STPG2: variants seen among roughly 807,000 people sequenced by gnomAD.
STPG2 encodes the protein sperm tail PG-rich repeat containing 2.
In STPG2, 56 loss-of-function variants were observed where a neutral mutation model predicts 54.2. That is an observed-to-expected ratio of 1.03 (90% CI 0.83 to 1.29). The LOEUF is 1.29. Ranked by LOEUF, STPG2 falls within the 50% of genes most tolerant of loss-of-function variation. The pLI, the probability that STPG2 is intolerant of heterozygous loss-of-function variation, is 0.00. For synonymous variants in STPG2, 200 were observed against 181.8 expected (o/e 1.10, Z -0.81); for missense variants, 596 against 544.9 (o/e 1.09, Z -0.93).
At chr4:98,045,336 G>GT (rs1408880425) in intron 5 of STPG2, among the ~76,000 whole-genome samples, 2 of 152,118 alleles carry the variant, frequency 1.3e-5, no homozygotes, top group African/African-American at 4.8e-5. Flanking sequence ...GTAAATTTCA[G>GT]TTTTTTCCCT....
chr4:97,629,554 G>A (rs916944627), intron 10 of STPG2, among the ~76,000 whole-genome samples: 4 of 151,806 alleles, frequency 2.6e-5, no homozygotes, highest in South Asian at 2.1e-4. Flanking sequence ...CTCATATTAC[G>A]TAACAAAAAA....
At chr4:97,961,385 G>A (rs1427921273) in intron 7 of STPG2, among the ~76,000 whole-genome samples, 2 of 152,190 alleles carry the variant, frequency 1.3e-5, no homozygotes, top group Non-Finnish European at 2.9e-5. Flanking sequence ...AAGAGCTTTT[G>A]TATGGCAAAA....
At chr4:97,667,428 T>G (rs1224822816) in intron 10 of STPG2, among the ~76,000 whole-genome samples, 1 of 152,220 alleles carries the variant, frequency 6.6e-6, no homozygotes, top group Non-Finnish European at 1.5e-5. Flanking sequence ...AAGTATATAG[T>G]AAGACTTGAG....
At chr4:97,486,845 A>G (rs540858019) in intron 4 of STPG2, among the ~76,000 whole-genome samples, 9 of 137,140 alleles carry the variant, frequency 6.6e-5, no homozygotes, top group Admixed American at 1.4e-4. Flanking sequence ...ATATATATAT[A>G]TATGTATGTA....
chr4:97,577,976 A>G (rs1732764959), intron 10 of STPG2, among the ~76,000 whole-genome samples: 1 of 152,180 alleles, frequency 6.6e-6, no homozygotes, highest in Non-Finnish European at 1.5e-5. Flanking sequence ...GCAGACATAT[A>G]TCCATTTTCA....
intron 8 of STPG2, among the ~76,000 whole-genome samples, chr4:97,861,116 C>A (rs1414055668): frequency 1.3e-5 from 2 of 152,030 alleles, no homozygotes; most frequent in Non-Finnish European, 2.9e-5. Context: ...GATTAATAAC[C>A]AGATACAGGA....
intron 5 of STPG2, among the ~76,000 whole-genome samples, chr4:98,081,233 C>T (rs911269032): frequency 1.2e-4 from 18 of 152,258 alleles, no homozygotes; most frequent in African/African-American, 2.9e-4. Context: ...TAAGGAACTA[C>T]GATATTGATT....
At chr4:97,928,185 AG>A (rs1008117768) in intron 8 of STPG2, among the ~76,000 whole-genome samples, 2 of 152,156 alleles carry the variant, frequency 1.3e-5, no homozygotes, top group African/African-American at 4.8e-5. Context: ...TCCATCTGAG[AG>A]GCCCTCCTTG....
intron 7 of STPG2, among the ~76,000 whole-genome samples, chr4:97,964,725 T>C (rs918392391): frequency 1.3e-5 from 2 of 152,232 alleles, no homozygotes; most frequent in Non-Finnish European, 2.9e-5. Flanking sequence ...TTGCTTTTCA[T>C]TGTTCCTTCT....
chr4:97,616,048 ATAC>A (rs1488430833), intron 10 of STPG2, among the ~76,000 whole-genome samples: 14 of 91,876 alleles, frequency 1.5e-4, no homozygotes, highest in East Asian at 1.3e-3. Context: ...AAAAAAAAAA[ATAC>A]ATATAAATAT....
At chr4:97,735,196 A>G (rs921678923) in intron 9 of STPG2, among the ~76,000 whole-genome samples, 4 of 152,036 alleles carry the variant, frequency 2.6e-5, no homozygotes, top group African/African-American at 9.7e-5. Context: ...ATACTTCTAT[A>G]TACATATATG....
intron 10 of STPG2, among the ~76,000 whole-genome samples, chr4:97,563,667 T>C (rs1732329508): frequency 6.6e-6 from 1 of 152,210 alleles, no homozygotes; most frequent in African/African-American, 2.4e-5. Context: ...TCAAAGAACA[T>C]CTTTATTTCT....
chr4:97,687,351 T>A (rs1723230858), intron 10 of STPG2, among the ~76,000 whole-genome samples: 1 of 150,388 alleles, frequency 6.6e-6, no homozygotes, highest in Admixed American at 6.7e-5. Flanking sequence ...TGAGACAGAG[T>A]CTTACTCTGT....
intron 5 of STPG2, chr4:98,026,091 T>A (rs751723823): frequency 2.7e-5 from 36 of 1,338,364 alleles, no homozygotes; most frequent in Non-Finnish European, 3.3e-5. Flanking sequence ...ATGATGGAGA[T>A]GTATAGGAAA....
At chr4:97,781,223 A>T (rs1455369459) in intron 9 of STPG2, among the ~76,000 whole-genome samples, 1 of 152,198 alleles carries the variant, frequency 6.6e-6, no homozygotes, top group African/African-American at 2.4e-5. Context: ...AATCAAATAG[A>T]TGCAATAAAA....
intron 8 of STPG2, among the ~76,000 whole-genome samples, chr4:97,904,165 A>T (rs952048222): frequency 5.9e-5 from 9 of 152,234 alleles, no homozygotes; most frequent in Non-Finnish European, 1.2e-4. Context: ...AAAAACAAAA[A>T]GACAGCAGTA....
intron 10 of STPG2, among the ~76,000 whole-genome samples, chr4:97,561,030 A>C (rs1282156260): frequency 6.6e-6 from 1 of 152,106 alleles, no homozygotes; most frequent in Non-Finnish European, 1.5e-5. Flanking sequence ...CGCCACACTG[A>C]CTTCCACAAT....
At chr4:98,125,770 G>A (rs1479474345) in intron 3 of STPG2, among the ~76,000 whole-genome samples, 1 of 152,206 alleles carries the variant, frequency 6.6e-6, no homozygotes, top group East Asian at 1.9e-4. Flanking sequence ...TGGCAGGAAA[G>A]AGTAAATACA....
intron 10 of STPG2, among the ~76,000 whole-genome samples, chr4:97,691,515 C>A (rs768996020): frequency 6.6e-6 from 1 of 151,984 alleles, no homozygotes; most frequent in Non-Finnish European, 1.5e-5. Flanking sequence ...CACAGCAGAC[C>A]CAGCAAGCCC....
Sources: allele counts gnomAD v4.1 joint callset (sites outside exome capture counted in the v4.1 genomes callset), GRCh38; gene constraint gnomAD v4.1.1; transcripts MANE v1.5; gene names NCBI Gene and HGNC (gene_info 2026-07-23, HGNC 2026-07-21).